RABGEF1: variants seen among roughly 807,000 people sequenced by gnomAD.
RABGEF1 encodes rab5 GDP/GTP exchange factor.
RABGEF1 carries 26 observed loss-of-function variants against 57.3 expected under a neutral mutation model. The observed-to-expected ratio is 0.45, with a 90% CI of 0.33 to 0.63. RABGEF1 has a LOEUF of 0.63. Ranked by LOEUF, RABGEF1 falls within the 20% of genes least tolerant of loss-of-function variation. The pLI is 0.02. For synonymous variants in RABGEF1, 185 were observed against 210.7 expected (o/e 0.88, Z 1.06); for missense variants, 464 against 607.6 (o/e 0.76, Z 2.48).
At chr7:66,682,919 A>G (rs971492908) in intron 1 of RABGEF1, among the ~76,000 whole-genome samples, 9 of 152,146 alleles carry the variant, frequency 5.9e-5, no homozygotes, top group Non-Finnish European at 1.2e-4. Flanking sequence ...GAGAGAGGGA[A>G]GGACTCTGCC....
At chr7:66,704,344 T>G (rs1334502275) in intron 1 of RABGEF1, among the ~76,000 whole-genome samples, 1 of 152,232 alleles carries the variant, frequency 6.6e-6, no homozygotes, top group African/African-American at 2.4e-5. Context: ...CTGACACTTT[T>G]TGCCAGCTTA....
At chr7:66,680,359 C>T (rs921121200), upstream of RABGEF1, among the ~76,000 whole-genome samples, 5 of 152,012 alleles carry the variant, frequency 3.3e-5, no homozygotes, top group Non-Finnish European at 7.4e-5. Flanking sequence ...ATTCTCCTGC[C>T]TCAACCTCCC....
intron 1 of RABGEF1, among the ~76,000 whole-genome samples, chr7:66,685,444 TAG>T (rs900974636): frequency 4.6e-5 from 7 of 151,932 alleles, no homozygotes; most frequent in African/African-American, 1.7e-4. Flanking sequence ...CACTTGAGGC[TAG>T]GAGTTGGAGA....
the RABGEF1 span, chr7:66,669,708 T>C: frequency 1.3e-5 from 2 of 152,214 alleles, no homozygotes; most frequent in Non-Finnish European, 2.9e-5. Flanking sequence ...TTGAACATAA[T>C]GCGTCCAAAA....
At chr7:66,734,538 C>T (rs773018188) in intron 2 of RABGEF1, among the ~76,000 whole-genome samples, 2 of 151,482 alleles carry the variant, frequency 1.3e-5, no homozygotes, top group Non-Finnish European at 2.9e-5. Context: ...TCAAGTGATC[C>T]GCCCATGTTG....
At chr7:66,757,094 C>T (rs1316858520) in intron 1 of RABGEF1, among the ~76,000 whole-genome samples, 1 of 152,086 alleles carries the variant, frequency 6.6e-6, no homozygotes, top group Non-Finnish European at 1.5e-5. Flanking sequence ...TTTTTATGGC[C>T]ATTTGTAGTA....
At chr7:66,743,344 G>GCT (rs1231818063) in intron 1 of RABGEF1, among the ~76,000 whole-genome samples, 10 of 140,548 alleles carry the variant, frequency 7.1e-5, no homozygotes, top group Admixed American at 1.4e-4. Flanking sequence ...AAAAAAAAAG[G>GCT]CTCTCTCTCT....
chr7:66,806,987 G>A (rs1016621491), intron 8 of RABGEF1, among the ~76,000 whole-genome samples: 2 of 152,124 alleles, frequency 1.3e-5, no homozygotes, highest in Admixed American at 1.3e-4. Flanking sequence ...GCCTACGAGG[G>A]AAGAGCGTTT....
the RABGEF1 span, among the ~76,000 whole-genome samples, chr7:66,667,965 T>C: frequency 6.6e-6 from 1 of 151,890 alleles, no homozygotes; most frequent in Non-Finnish European, 1.5e-5. Flanking sequence ...GCCTGGCTGA[T>C]TTTTGTATTT....
At chr7:66,739,886 C>T (rs191573926), upstream of RABGEF1, 34 of 152,258 alleles carry the variant, frequency 2.2e-4, no homozygotes, top group African/African-American at 7.9e-4. Context: ...ATGGGAATCA[C>T]GTAAAGAATC....
chr7:66,672,462 C>G, the RABGEF1 span, among the ~76,000 whole-genome samples: 1 of 152,068 alleles, frequency 6.6e-6, no homozygotes, highest in Non-Finnish European at 1.5e-5. Flanking sequence ...AAAACAAAAC[C>G]TTTCCCAAGA....
chr7:66,757,698 G>A (rs1222333710), intron 1 of RABGEF1, among the ~76,000 whole-genome samples: 2 of 152,094 alleles, frequency 1.3e-5, no homozygotes, highest in African/African-American at 2.4e-5. Context: ...TGCAAGCTCC[G>A]CCTGCCAGGT....
rs145949268 is a variant in RABGEF1 at position 66,769,381 on chromosome 7, C to T, written c.-17-2502C>T. ...GCCTGACTTCCTTCTAGCTGTCACC[C>T]GTGTGTCTGCACACCTTAATGTTCA... is the stretch of plus-strand genomic sequence containing the variant. On this transcript the variant is annotated intron_variant, in intron 1 of 8. Transcript: ENST00000284957. Among the ~76,000 whole-genome samples the T allele has an allele frequency of 2.2e-4, 34 of 152,330 alleles. No individual in the cohort carries two copies. In the East Asian group the frequency reaches 6.2e-3, roughly 28 times the overall value.
intron 1 of RABGEF1, among the ~76,000 whole-genome samples, chr7:66,696,689 C>CAAA (rs71049476): frequency 1.4e-4 from 9 of 66,246 alleles, no homozygotes; most frequent in African/African-American, 2.7e-4. Context: ...GACTCCGTCT[C>CAAA]AAAAAAAAAA....
At chr7:66,710,974 C>G (rs1331428021) in intron 1 of RABGEF1, among the ~76,000 whole-genome samples, 1 of 149,670 alleles carries the variant, frequency 6.7e-6, no homozygotes, top group African/African-American at 2.4e-5. Context: ...GAGACCCTGT[C>G]ACTACAAAAA....
intron 1 of RABGEF1, among the ~76,000 whole-genome samples, chr7:66,693,732 G>A (rs1286342185): frequency 6.6e-6 from 1 of 152,196 alleles, no homozygotes; most frequent in African/African-American, 2.4e-5. Flanking sequence ...CCGAGAGAGA[G>A]GACTACGACC....
intron 1 of RABGEF1, among the ~76,000 whole-genome samples, chr7:66,759,795 C>T (rs916831248): frequency 6.6e-6 from 1 of 152,180 alleles, no homozygotes; most frequent in Admixed American, 6.5e-5. Flanking sequence ...ATCAGATCAC[C>T]TTTCACAGGC....
At chr7:66,735,782 A>C (rs999776872), upstream of RABGEF1, among the ~76,000 whole-genome samples, 1 of 152,224 alleles carries the variant, frequency 6.6e-6, no homozygotes, top group Non-Finnish European at 1.5e-5. Flanking sequence ...CCCTCCAGCC[A>C]TGCTTCCTGT....
intron 2 of RABGEF1, among the ~76,000 whole-genome samples, chr7:66,713,024 G>A (rs1794950037): frequency 6.6e-6 from 1 of 151,526 alleles, no homozygotes. Context: ...TTTGTTGATA[G>A]GGCTGGTCTC....
Sources: allele counts gnomAD v4.1 joint callset (sites outside exome capture counted in the v4.1 genomes callset), GRCh38; gene constraint gnomAD v4.1.1; transcripts MANE v1.5; gene names NCBI Gene and HGNC (gene_info 2026-07-23, HGNC 2026-07-21).